The following NXPE2 variants were observed in gnomAD, a reference collection of about 807,000 sequenced individuals.
The protein encoded by NXPE2 is neurexophilin and PC-esterase domain family member 2, also known as NXPE family member 2.
A neutral mutation model predicts 34.4 loss-of-function variants in NXPE2; 34 were observed. The observed-to-expected ratio is 0.99, with a 90% CI of 0.75 to 1.31. The LOEUF (loss-of-function observed/expected upper bound fraction) is 1.31, where lower values mean the gene tolerates loss of function less well. Ranked by LOEUF, NXPE2 falls within the 40% of genes most tolerant of loss-of-function variation. The probability of loss-of-function intolerance (pLI) is 0.00; values close to 1 mark genes in which losing one functional copy is unlikely to be tolerated. For missense variants in NXPE2, 649 were observed against 672.5 expected (o/e 0.97, Z 0.39); for synonymous variants, 235 against 231.3 (o/e 1.02, Z -0.15).
chr11:114,608,120 T>C, the NXPE2 span, among the ~76,000 whole-genome samples: 3 of 151,908 alleles, frequency 2.0e-5, no homozygotes, highest in Non-Finnish European at 2.9e-5. Context: ...TGTTACCCAA[T>C]GGATAATAAG....
At chr11:114,733,445 A>G in the NXPE2 span, among the ~76,000 whole-genome samples, 1 of 151,996 alleles carries the variant, frequency 6.6e-6, no homozygotes, top group East Asian at 1.9e-4. Flanking sequence ...GACCCTCCCT[A>G]TTCTGTTTTT....
chr11:114,549,453 A>G, the NXPE2 span, among the ~76,000 whole-genome samples: 1 of 152,050 alleles, frequency 6.6e-6, no homozygotes, highest in African/African-American at 2.4e-5. Flanking sequence ...TCCGTTTTTA[A>G]TGTAATTCTT....
At chr11:114,786,140 G>A in the NXPE2 span, among the ~76,000 whole-genome samples, 22,424 of 152,206 alleles carry the variant, frequency 0.15, 1,709 homozygotes, top group Admixed American at 0.2. Flanking sequence ...TCCTGAATTT[G>A]TACTGAGCTT....
chr11:114,630,433 T>A, the NXPE2 span, among the ~76,000 whole-genome samples: 1 of 151,876 alleles, frequency 6.6e-6, no homozygotes. Flanking sequence ...AAGTATTCCC[T>A]ATTTAATAAA....
the NXPE2 span, among the ~76,000 whole-genome samples, chr11:114,762,621 C>A: frequency 6.6e-6 from 1 of 152,048 alleles, no homozygotes; most frequent in Non-Finnish European, 1.5e-5. Context: ...TTGCACTGAC[C>A]CCTGGCGTCT....
rs561384542 is a variant in NXPE2 at position 114,693,076 on chromosome 11, C to T, written c.133-4969C>T. ...TGTACTTCTGTTGAAGTTTAAAGAC[C>T]TCATTATATACCGAATCTTATCCAA... On this transcript the variant is annotated intron_variant, in intron 2 of 5. Transcript: ENST00000389586. Among the ~76,000 whole-genome samples the T allele has an allele frequency of 2.0e-5, 3 of 152,196 alleles. No individual in the cohort carries two copies. In the East Asian group the frequency reaches 5.8e-4, roughly 29 times the overall value.
At chr11:114,745,492 C>T in the NXPE2 span, among the ~76,000 whole-genome samples, 103 of 152,330 alleles carry the variant, frequency 6.8e-4, no homozygotes, top group African/African-American at 2.1e-3. Context: ...CCAAACACCT[C>T]CTGCCAGGCC....
At chr11:114,486,056 G>C in the NXPE2 span, among the ~76,000 whole-genome samples, 47 of 152,034 alleles carry the variant, frequency 3.1e-4, no homozygotes, top group Middle Eastern at 3.4e-3. Context: ...TTGTTTTTTT[G>C]AGGAACTACC....
the NXPE2 span, among the ~76,000 whole-genome samples, chr11:114,629,647 C>T: frequency 3.3e-5 from 5 of 152,160 alleles, no homozygotes; most frequent in African/African-American, 9.6e-5. Flanking sequence ...TCCTATTCAT[C>T]AGAGTGTTGG....
chr11:114,634,766 A>G, the NXPE2 span, among the ~76,000 whole-genome samples: 5 of 152,026 alleles, frequency 3.3e-5, no homozygotes, highest in African/African-American at 1.2e-4. Context: ...CAAAGATCAG[A>G]TAGTTGTAGA....
At chr11:114,778,106 A>C in the NXPE2 span, among the ~76,000 whole-genome samples, 1 of 152,222 alleles carries the variant, frequency 6.6e-6, no homozygotes, top group Non-Finnish European at 1.5e-5. Context: ...AGATGGAGGC[A>C]GGGGAAATGG....
At chr11:114,610,935 G>T in the NXPE2 span, among the ~76,000 whole-genome samples, 1 of 151,578 alleles carries the variant, frequency 6.6e-6, no homozygotes, top group East Asian at 2.0e-4. Flanking sequence ...TGCCTCGTGG[G>T]TAACCACTGT....
chr11:114,612,910 G>A, the NXPE2 span, among the ~76,000 whole-genome samples: 6 of 152,008 alleles, frequency 3.9e-5, no homozygotes, highest in Admixed American at 6.6e-5. Context: ...ACTGTTACCC[G>A]GTGGATAATA....
At chr11:114,543,410 G>T in the NXPE2 span, among the ~76,000 whole-genome samples, 2 of 149,640 alleles carry the variant, frequency 1.3e-5, no homozygotes, top group African/African-American at 4.9e-5. Flanking sequence ...GGTGGTATGT[G>T]CCTGTAGCCC....
At chr11:114,557,630 AATACATATATAT>A in the NXPE2 span, among the ~76,000 whole-genome samples, 12 of 76,994 alleles carry the variant, frequency 1.6e-4, no homozygotes, top group African/African-American at 4.9e-4. Flanking sequence ...TATTATATAT[AATACATATATAT>A]ATATATATAT....
the NXPE2 span, among the ~76,000 whole-genome samples, chr11:114,641,227 A>G: frequency 2.6e-5 from 4 of 152,032 alleles, no homozygotes; most frequent in African/African-American, 9.7e-5. Context: ...AACATGAAAG[A>G]CAAGTTTAAA....
At chr11:114,533,935 C>T in the NXPE2 span, among the ~76,000 whole-genome samples, 1 of 152,310 alleles carries the variant, frequency 6.6e-6, no homozygotes, top group East Asian at 1.9e-4. Context: ...TTGAAGAGAG[C>T]AGTGGTTCTC....
At chr11:114,519,963 C>CCCACCGCAAGCTCGCCTCCCGG in the NXPE2 span, among the ~76,000 whole-genome samples, 1 of 149,246 alleles carries the variant, frequency 6.7e-6, no homozygotes, top group Admixed American at 6.6e-5. Context: ...GCCATCTCGG[C>CCCACCGCAAGCTCGCCTCCCGG]GAGCTTGCCC....
chr11:114,516,133 A>G, the NXPE2 span, among the ~76,000 whole-genome samples: 1 of 152,192 alleles, frequency 6.6e-6, no homozygotes, highest in Non-Finnish European at 1.5e-5. Context: ...TAAGCCTGTG[A>G]TCTAACATTT....
Sources: allele counts gnomAD v4.1 joint callset (sites outside exome capture counted in the v4.1 genomes callset), GRCh38; gene constraint gnomAD v4.1.1; transcripts MANE v1.5; gene names NCBI Gene and HGNC (gene_info 2026-07-23, HGNC 2026-07-21).